The following PTPRN2 variants were observed in gnomAD, a reference collection of about 807,000 sequenced individuals.
The protein encoded by PTPRN2 is receptor-type tyrosine-protein phosphatase N2.
A neutral mutation model predicts 118.8 loss-of-function variants in PTPRN2; 74 were observed. The ratio of observed to expected loss-of-function variants is 0.62; its 90% CI spans 0.52 to 0.76. PTPRN2 has a LOEUF of 0.76. Among genes scored for constraint, PTPRN2 ranks in the 30% least tolerant of loss-of-function variants. PTPRN2 has a pLI of 0.00. For synonymous variants in PTPRN2, 641 were observed against 608.0 expected (o/e 1.05, Z -0.80); for missense variants, 1,481 against 1,394.4 (o/e 1.06, Z -0.99).
rs1745154744 is a variant in PTPRN2, at chr7:157,869,434, G to C, written c.1788+29239C>G. Among the ~76,000 whole-genome samples, 1 of 152,166 alleles carries C rather than the reference G, an allele frequency of 6.6e-6. No homozygotes were observed. Among genetic ancestry groups the C allele is most frequent in the Admixed American group, 6.6e-5 (1 of 15,266 alleles). On this transcript the variant is annotated intron_variant, in intron 12 of 22. Transcript: ENST00000389418. The surrounding 1 kb of genome is among the most constrained non-coding windows in gnomAD (Gnocchi z 4.2). ...CTTCAAAAAGTTCACAGAAAAATTG[G>C]ATTAAAAGGTAAAAATAAAAATATA... is the stretch of plus-strand genomic sequence containing the variant.
intron 3 of PTPRN2, among the ~76,000 whole-genome samples, chr7:158,273,913 AGGAGCCGCAGACACAGGG>A (rs1252414222): frequency 1.2e-4 from 15 of 122,628 alleles, no homozygotes; most frequent in East Asian, 2.6e-4. Flanking sequence ...CAGACGCGGG[AGGAGCCGCAGACACAGGG>A]GGAGCCGCAG....
rs189065975 is a variant in PTPRN2 at position 157,824,918 on chromosome 7, C to T, written c.1788+73755G>A. 1.3e-4 allele frequency among the ~76,000 whole-genome samples: 20 copies of T among 152,286 alleles called. No individual in the cohort carries two copies. The East Asian group carries it at 3.3e-3, about 25-fold the overall frequency. On this transcript the variant is annotated intron_variant, in intron 12 of 22. Transcript: ENST00000389418. ...AGCCACAAAGCAGGCGGATCACGAG[C>T]GGCACCCAGGGCCCACATTAGGGCT... is the stretch of plus-strand genomic sequence containing the variant.
At position 158,192,400 on chromosome 7, in the gene PTPRN2, T is replaced by C; in HGVS notation, c.476A>G (p.Glu159Gly). 1.3e-6 allele frequency: 2 copies of C among 1,534,906 alleles called. No individual in the cohort carries two copies. The highest frequency in any genetic ancestry group is 2.9e-5 in the African/African-American group (2 of 69,306). Reference protein sequence around the residue: ...NALRRHLPFLEALSQAPASDV... With the variant: ...NALRRHLPFLGALSQAPASDV... ...TGAGGCTGGGGCCTGGGACAGGGCCTCCAGGAAGGGCAGGTGGCGTCGGAG... is the reference window on the plus strand; with the variant it reads ...TGAGGCTGGGGCCTGGGACAGGGCCCCCAGGAAGGGCAGGTGGCGTCGGAG... Residue 159 changes from glutamate to glycine, a missense_variant, in exon 5 of 23, where the codon GAG (glutamate) becomes GGG (glycine). This residue lies in a region of PTPRN2 where 1,115 missense variants were observed against 994.2 expected (regional missense o/e 1.12). Transcript: ENST00000389418.
At chr7:158,040,446 C>T (rs1808378153) in intron 11 of PTPRN2, among the ~76,000 whole-genome samples, 1 of 152,140 alleles carries the variant, frequency 6.6e-6, no homozygotes, top group African/African-American at 2.4e-5. Flanking sequence ...CACGTGCACA[C>T]ACACTGCAGA....
intron 2 of PTPRN2, among the ~76,000 whole-genome samples, chr7:158,434,084 T>A (rs1816410977): frequency 6.6e-6 from 1 of 152,174 alleles, no homozygotes; most frequent in African/African-American, 2.4e-5. Context: ...ATGTTAAGAT[T>A]TGTTTATCTG....
Position 157,595,053 on chromosome 7 carries a change from T to C in PTPRN2, c.2496+185A>G, listed in dbSNP as rs372333152. ...TCTCTCAAAGGGAATTTTTTCATACTCAAGTTTTGGAAAACAAAAGATTGA... is the reference window on the plus strand; with the variant it reads ...TCTCTCAAAGGGAATTTTTTCATACCCAAGTTTTGGAAAACAAAAGATTGA... On this transcript the variant is annotated intron_variant, in intron 17 of 22. Transcript: ENST00000389418. 5.3e-5 allele frequency among the ~76,000 whole-genome samples: 8 copies of C among 152,362 alleles called. No individual in the cohort carries two copies. In the East Asian group the frequency reaches 1.5e-3, roughly 29 times the overall value.
At chr7:157,663,640 C>A (rs1346620898) in intron 13 of PTPRN2, among the ~76,000 whole-genome samples, 5 of 152,112 alleles carry the variant, frequency 3.3e-5, no homozygotes, top group Admixed American at 2.0e-4. Context: ...GGGGACCGGC[C>A]CCTCCCTCTC....
At chr7:158,249,001 A>G (rs1235970377) in intron 3 of PTPRN2, among the ~76,000 whole-genome samples, 1 of 150,906 alleles carries the variant, frequency 6.6e-6, no homozygotes, top group African/African-American at 2.4e-5. Flanking sequence ...CACATCACAC[A>G]TGCAGCACAT....
chr7:158,549,895 T>G (rs1225953299), intron 1 of PTPRN2, among the ~76,000 whole-genome samples: 2 of 152,222 alleles, frequency 1.3e-5, no homozygotes, highest in Non-Finnish European at 2.9e-5. Flanking sequence ...TTGGGTTGAT[T>G]ATGTGTGCAT....
In PTPRN2 at chr7:157,929,767, G is replaced by A. The variant is rs1199081596; in HGVS notation, c.1724-31030C>T. Among the ~76,000 whole-genome samples the A allele has an allele frequency of 1.3e-5, 2 of 152,176 alleles. No homozygotes were observed. ...GCTGCTGTTGAGATGAATGGTGCCA[G>A]AAGGGAGTCTTTCCAAGTGCCCTGT... is the stretch of plus-strand genomic sequence containing the variant. On this transcript the variant is annotated intron_variant, in intron 11 of 22. Transcript: ENST00000389418. The surrounding 1 kb of genome is among the most constrained non-coding windows in gnomAD (Gnocchi z 4.4).
chr7:158,154,394 A>C (rs1330032428), intron 6 of PTPRN2, among the ~76,000 whole-genome samples: 3 of 152,216 alleles, frequency 2.0e-5, no homozygotes, highest in African/African-American at 4.8e-5. Flanking sequence ...ACTACCTGCT[A>C]ATGCTCAGTA....
chr7:157,628,600 G>A (rs1375560508), intron 14 of PTPRN2, among the ~76,000 whole-genome samples: 1 of 152,232 alleles, frequency 6.6e-6, no homozygotes, highest in Non-Finnish European at 1.5e-5. Context: ...ATCTGACTGA[G>A]CCCCACGGGT....
intron 12 of PTPRN2, among the ~76,000 whole-genome samples, chr7:157,822,153 T>C (rs1806884761): frequency 1.3e-5 from 2 of 151,826 alleles, no homozygotes; most frequent in African/African-American, 4.8e-5. Flanking sequence ...CACTCATCCA[T>C]TCATCCATCT....
chr7:157,951,486 G>A (rs1422279811), intron 11 of PTPRN2, among the ~76,000 whole-genome samples: 2 of 152,138 alleles, frequency 1.3e-5, no homozygotes, highest in Non-Finnish European at 2.9e-5. Flanking sequence ...AGGGACTAAG[G>A]CCTTCACAGT....
rs987327990 is a variant in PTPRN2 at position 157,780,434 on chromosome 7, G to A, written c.1789-97497C>T. Among the ~76,000 whole-genome samples the A allele has an allele frequency of 5.6e-4, 85 of 152,218 alleles. No individual in the cohort carries two copies. Among genetic ancestry groups the A allele is most frequent in the African/African-American group, 1.8e-3 (76 of 41,456 alleles). On this transcript the variant is annotated intron_variant, in intron 12 of 22. Coordinates refer to ENST00000389418, the MANE Select transcript of PTPRN2 (RefSeq NM_002847.5). This position sits in a 1 kb window ranked among gnomAD's most constrained non-coding sequence, Gnocchi z 4.5. ...GGAGTGTGAAGGAGGCTTGGCTGGC[G>A]GAGGGGCCGTGCTGCTGGATCAGAT...
intron 3 of PTPRN2, among the ~76,000 whole-genome samples, chr7:158,259,046 G>A (rs950298906): frequency 6.6e-6 from 1 of 152,136 alleles, no homozygotes; most frequent in African/African-American, 2.4e-5. Context: ...CACCAGCAAC[G>A]CCTGTGAAAC....
intron 2 of PTPRN2, among the ~76,000 whole-genome samples, chr7:158,480,049 A>G (rs1820547178): frequency 6.6e-6 from 1 of 152,196 alleles, no homozygotes. Flanking sequence ...CACAAATTGA[A>G]TTCACTGCTT....
chr7:157,832,957 T>A (rs1057469963), intron 12 of PTPRN2, among the ~76,000 whole-genome samples: 69 of 152,258 alleles, frequency 4.5e-4, no homozygotes, highest in African/African-American at 1.6e-3. Context: ...AGGTGCGTGA[T>A]GTGGCTGGTG....
intron 6 of PTPRN2, among the ~76,000 whole-genome samples, chr7:158,145,907 G>C (rs144793793): frequency 7.9e-5 from 12 of 152,284 alleles, no homozygotes; most frequent in Admixed American, 6.5e-4. Context: ...CTGTGGTTTG[G>C]GGCAAGCTCG....
Sources: allele counts gnomAD v4.1 joint callset (sites outside exome capture counted in the v4.1 genomes callset), GRCh38; gene constraint gnomAD v4.1.1; regional missense constraint gnomAD v4.1.1; non-coding constraint Gnocchi (gnomAD v3.1); transcripts MANE v1.5; gene names NCBI Gene and HGNC (gene_info 2026-07-23, HGNC 2026-07-21).